Variants in SGCD observed in about 807,000 individuals in gnomAD.
SGCD encodes the protein delta-sarcoglycan.
In SGCD, 18 loss-of-function variants were observed where a neutral mutation model predicts 36.6. That is an observed-to-expected ratio of 0.49 (90% CI 0.34 to 0.73). The LOEUF (loss-of-function observed/expected upper bound fraction) is 0.73, where lower values mean the gene tolerates loss of function less well. Among genes scored for constraint, SGCD ranks in the 30% least tolerant of loss-of-function variants. SGCD has a pLI of 0.01. For synonymous variants in SGCD, 133 were observed against 130.6 expected (o/e 1.02, Z -0.12); for missense variants, 387 against 346.7 (o/e 1.12, Z -0.92).
At chr5:156,101,000 G>A (rs927476442) in intron 1 of SGCD, among the ~76,000 whole-genome samples, 2 of 152,114 alleles carry the variant, frequency 1.3e-5, no homozygotes, top group African/African-American at 2.4e-5. Context: ...GGAGAGTGGA[G>A]CCCTCATGAA....
intron 3 of SGCD, among the ~76,000 whole-genome samples, chr5:156,273,609 C>A (rs1039267212): frequency 5.9e-5 from 9 of 152,136 alleles, no homozygotes; most frequent in Non-Finnish European, 1.3e-4. Context: ...GTCTAATCAT[C>A]TAGAAGAAAA....
intron 3 of SGCD, among the ~76,000 whole-genome samples, chr5:156,267,938 A>G (rs1766046051): frequency 6.6e-6 from 1 of 152,172 alleles, no homozygotes; most frequent in Admixed American, 6.5e-5. Flanking sequence ...TCATCCAGGT[A>G]TAAAGCTTAG....
At chr5:155,962,932 C>G (rs1757821452) in intron 1 of SGCD, among the ~76,000 whole-genome samples, 1 of 152,098 alleles carries the variant, frequency 6.6e-6, no homozygotes, top group Non-Finnish European at 1.5e-5. Flanking sequence ...TGCTTATTTG[C>G]AAAAGCCCTT....
intron 3 of SGCD, among the ~76,000 whole-genome samples, chr5:156,319,724 C>A (rs1767608579): frequency 6.6e-6 from 1 of 152,152 alleles, no homozygotes; most frequent in Non-Finnish European, 1.5e-5. Flanking sequence ...CCTCTATTAC[C>A]TATCTGTGTG....
At position 156,308,499 on chromosome 5, in the gene SGCD, C is replaced by T. The variant is rs60043599; in HGVS notation, c.-43-21035C>T. Among the ~76,000 whole-genome samples the T allele has an allele frequency of 3.4e-3, 512 of 152,158 alleles. 3 individuals carry two copies. Among genetic ancestry groups the T allele is most frequent in the African/African-American group, 0.012 (484 of 41,530 alleles). Reference sequence around the variant, plus strand: ...ATTTTTAGTAGAGATGGGGTTTCACCGTGTTAGCCAGGATGGTCTCGATCT... The same window carrying T: ...ATTTTTAGTAGAGATGGGGTTTCACTGTGTTAGCCAGGATGGTCTCGATCT... On this transcript the variant is annotated intron_variant, in intron 3 of 9. Coordinates refer to the SGCD transcript ENST00000517913.
At chr5:156,093,643 T>C (rs773689954) in intron 1 of SGCD, among the ~76,000 whole-genome samples, 2 of 152,112 alleles carry the variant, frequency 1.3e-5, no homozygotes, top group Non-Finnish European at 2.9e-5. Context: ...GGATCCCAAT[T>C]TGGGTTTGTG....
the SGCD span, among the ~76,000 whole-genome samples, chr5:155,812,693 G>C: frequency 1.3e-5 from 2 of 152,124 alleles, no homozygotes; most frequent in Non-Finnish European, 2.9e-5. Flanking sequence ...ATTTGAATAA[G>C]AACCAATGTA....
chr5:156,182,159 G>T (rs1561553609), intron 3 of SGCD, among the ~76,000 whole-genome samples: 2 of 152,150 alleles, frequency 1.3e-5, no homozygotes, highest in Non-Finnish European at 2.9e-5. Flanking sequence ...AATTTATATG[G>T]AAATGCAGAG....
chr5:156,079,376 T>C (rs79021922), intron 1 of SGCD, among the ~76,000 whole-genome samples: 6,058 of 152,294 alleles, frequency 0.04, 190 homozygotes, highest in Middle Eastern at 0.061. Context: ...CCAAAGCTTA[T>C]GTCCTTTTCA....
chr5:155,747,520 C>A, the SGCD span, among the ~76,000 whole-genome samples: 7 of 152,080 alleles, frequency 4.6e-5, no homozygotes, highest in Admixed American at 4.6e-4. Flanking sequence ...AGGATAGGGA[C>A]CTTTTATTCT....
intron 7 of SGCD, among the ~76,000 whole-genome samples, chr5:156,652,736 T>C (rs1409210363): frequency 6.6e-6 from 1 of 152,122 alleles, no homozygotes; most frequent in East Asian, 1.9e-4. Context: ...CAGATGGCTC[T>C]TATATTTGGG....
intron 4 of SGCD, among the ~76,000 whole-genome samples, chr5:156,520,484 TTGA>T (rs1448939365): frequency 4.0e-5 from 6 of 151,842 alleles, no homozygotes; most frequent in African/African-American, 1.2e-4. Context: ...TAAACTACCT[TTGA>T]TGTTACTCAC....
At chr5:156,436,507 G>A (rs553637638) in intron 3 of SGCD, among the ~76,000 whole-genome samples, 1 of 152,262 alleles carries the variant, frequency 6.6e-6, no homozygotes, top group East Asian at 1.9e-4. Flanking sequence ...TAGAACCTTA[G>A]GAGTTATAAT....
intron 2 of SGCD, among the ~76,000 whole-genome samples, chr5:156,332,245 AC>A (rs1388436712): frequency 6.6e-6 from 1 of 152,222 alleles, no homozygotes; most frequent in Admixed American, 6.5e-5. Flanking sequence ...GACTATAGGT[AC>A]ATTTTGGTTC....
chr5:156,205,989 AT>A (rs1491562803), intron 3 of SGCD, among the ~76,000 whole-genome samples: 1 of 136,112 alleles, frequency 7.3e-6, no homozygotes, highest in African/African-American at 2.6e-5. Flanking sequence ...ATATATATAT[AT>A]TTTATATATA....
chr5:155,733,017 T>G, the SGCD span, among the ~76,000 whole-genome samples: 1 of 10,748 alleles, frequency 9.3e-5, no homozygotes, highest in Non-Finnish European at 5.0e-4. Flanking sequence ...TATACTCGTT[T>G]TTTTTTTTTT....
At chr5:156,321,097 T>G (rs1403785823) in intron 3 of SGCD, among the ~76,000 whole-genome samples, 1 of 152,126 alleles carries the variant, frequency 6.6e-6, no homozygotes, top group Non-Finnish European at 1.5e-5. Context: ...CCTCATAATA[T>G]TTCTAAAAAA....
chr5:156,607,667 A>T (rs1180826334), intron 6 of SGCD, among the ~76,000 whole-genome samples: 1 of 151,046 alleles, frequency 6.6e-6, no homozygotes, highest in Non-Finnish European at 1.5e-5. Flanking sequence ...CTGTGAATCC[A>T]TCTGGTCCTG....
intron 1 of SGCD, among the ~76,000 whole-genome samples, chr5:156,001,019 G>T (rs1758653991): frequency 6.6e-6 from 1 of 152,110 alleles, no homozygotes; most frequent in African/African-American, 2.4e-5. Flanking sequence ...CTTTCACTGG[G>T]ACCATCCAAG....
Sources: allele counts gnomAD v4.1 joint callset (sites outside exome capture counted in the v4.1 genomes callset), GRCh38; gene constraint gnomAD v4.1.1; transcripts MANE v1.5; gene names NCBI Gene and HGNC (gene_info 2026-07-23, HGNC 2026-07-21).